The following ZNF28 variants were observed in gnomAD, a reference collection of about 807,000 sequenced individuals.
ZNF28 encodes zinc finger protein 28.
A neutral mutation model predicts 7.2 loss-of-function variants in ZNF28; 5 were observed. The observed-to-expected ratio is 0.70, with a 90% CI of 0.36 to 1.46. ZNF28 has a LOEUF of 1.46. ZNF28 is among the 40% of genes most tolerant of loss of function. The pLI, the probability that ZNF28 is intolerant of heterozygous loss-of-function variation, is 0.03. For missense variants in ZNF28, 879 were observed against 866.6 expected (o/e 1.01, Z -0.18); for synonymous variants, 288 against 292.4 (o/e 0.99, Z 0.15).
chr19:52,808,078 C>T lies in ZNF28; in HGVS notation c.71G>A (p.Cys24Tyr), dbSNP rs543381562. 6.2e-7 allele frequency: 1 copy of T among 1,613,508 alleles called. No homozygotes were observed. The highest frequency in any genetic ancestry group is 1.1e-5 in the South Asian group (1 of 91,072). Residue 24 changes from cysteine to tyrosine, a missense_variant, in exon 3 of 4, where the codon TGC (cysteine) becomes TAC (tyrosine). By Grantham distance (194) the Cys-to-Tyr change is radical. This residue lies in a region of ZNF28 where 864 missense variants were observed against 830.2 expected (regional missense o/e 1.04). Transcript: ENST00000457749. The part of the protein sequence containing the change: ...AIEFSQEEWK[C>Y]LDPAQRTLYR... ...AAGAGTCCTCTGAGCAGGGTCCAGGCATTTCCACTCCTCCTGAGAGAATTC... is the reference window on the plus strand; with the variant it reads ...AAGAGTCCTCTGAGCAGGGTCCAGGTATTTCCACTCCTCCTGAGAGAATTC...
chr19:52,806,430 G>A (rs1185007400), intron 3 of ZNF28, among the ~76,000 whole-genome samples: 1 of 152,010 alleles, frequency 6.6e-6, no homozygotes, highest in Non-Finnish European at 1.5e-5. Context: ...CTGACTTCAG[G>A]TGATATGCCC....
intron 2 of ZNF28, among the ~76,000 whole-genome samples, chr19:52,811,017 G>A (rs1212532927): frequency 2.0e-5 from 3 of 146,450 alleles, no homozygotes; most frequent in Non-Finnish European, 4.5e-5. Context: ...AGCCTGCCGA[G>A]TGCCTGCGAT....
chr19:52,811,166 T>G (rs1232888729), intron 2 of ZNF28, among the ~76,000 whole-genome samples: 2 of 150,850 alleles, frequency 1.3e-5, no homozygotes. Flanking sequence ...GGTGCCGGGA[T>G]TGCAGATGGA....
chr19:52,805,711 C>G (rs7248259), intron 3 of ZNF28: 134,149 of 151,942 alleles, frequency 0.88, 59,453 homozygotes, highest in East Asian at 0.92. Flanking sequence ...GGCCAAGCAT[C>G]GTGGTTCATG....
chr19:52,817,925 A>G lies in ZNF28; in HGVS notation c.15+19T>C, dbSNP rs1459636333. 5.0e-6 allele frequency: 8 copies of G among 1,609,950 alleles called. No individual in the cohort carries two copies. In the Admixed American group the frequency reaches 1.3e-4, roughly 27 times the overall value. ...TGAAAGGAAGGAGACAGAGCAATCCACCGAGAATACCATCTCACCTGAGGA... is the reference window on the plus strand; with the variant it reads ...TGAAAGGAAGGAGACAGAGCAATCCGCCGAGAATACCATCTCACCTGAGGA... On this transcript the variant is annotated intron_variant, in intron 2 of 3. Coordinates refer to ENST00000457749, the MANE Select transcript of ZNF28 (RefSeq NM_006969.5).
Position 52,801,400 on chromosome 19 carries a change from G to C in ZNF28, c.445C>G (p.Pro149Ala). Reference sequence around the variant, plus strand: ...TCAGGCTGAAATATGTGCAGTTCAGGCAGATGCGAATGAAAGCTTAATCCA... The same window carrying C: ...TCAGGCTGAAATATGTGCAGTTCAGCCAGATGCGAATGAAAGCTTAATCCA... ...QLGLSFHSHL[P>A]ELHIFQPEGK... The change falls in exon 4 of 4, where the codon CCT becomes GCT. Residue 149 changes from proline to alanine, a missense_variant. Coordinates refer to ENST00000457749, the MANE Select transcript of ZNF28 (RefSeq NM_006969.5). The C allele has an allele frequency of 6.2e-7, 1 of 1,614,168 alleles. No individual in the cohort carries two copies. Among genetic ancestry groups the C allele is most frequent in the Non-Finnish European group, 8.5e-7 (1 of 1,180,036 alleles).
At position 52,798,798 on chromosome 19, in the gene ZNF28, G is replaced by T; in HGVS notation, c.*890C>A. 1 of 789,574 alleles carries T rather than the reference G, an allele frequency of 1.3e-6. No individual in the cohort carries two copies. Among genetic ancestry groups the T allele is most frequent in the Non-Finnish European group, 2.1e-6 (1 of 485,650 alleles). 48.9% of individuals were successfully genotyped at this position (789,574 alleles called of 1,614,324 possible). On this transcript the variant is annotated 3_prime_UTR_variant, in exon 4 of 4. Transcript: ENST00000457749. ...GATCTCTCATTATGGATTCTCCAATGATTTGCAATGGTTGTAGCATTACTG... is the reference window on the plus strand; with the variant it reads ...GATCTCTCATTATGGATTCTCCAATTATTTGCAATGGTTGTAGCATTACTG...
chr19:52,800,317 G>A lies in ZNF28; in HGVS notation c.1528C>T (p.Leu510Phe). 1 of 1,613,502 alleles carries A rather than the reference G, an allele frequency of 6.2e-7. No individual in the cohort carries two copies. Among genetic ancestry groups the A allele is most frequent in the South Asian group, 1.1e-5 (1 of 91,052 alleles). Residue 510 changes from leucine (L) to phenylalanine (F), a missense_variant, in exon 4 of 4, where the codon CTT (leucine) becomes TTT (phenylalanine). Physicochemically the swap from Leu to Phe is conservative, Grantham distance 22. This residue lies in a region of ZNF28 where 864 missense variants were observed against 830.2 expected (regional missense o/e 1.04). Coordinates refer to ENST00000457749, the MANE Select transcript of ZNF28 (RefSeq NM_006969.5). Reference sequence around the variant, plus strand: ...GTATGAACTCTCTGATGTTCTGTAAGGCATGAATCACTCCGGAAAGCCTTG... The same window carrying A: ...GTATGAACTCTCTGATGTTCTGTAAAGCATGAATCACTCCGGAAAGCCTTG... ...CDKAFRSDSCLTEHQRVHTGE... is the reference protein window; with the variant it reads ...CDKAFRSDSCFTEHQRVHTGE...
intron 3 of ZNF28, chr19:52,805,896 G>A (rs1001890982): frequency 5.9e-5 from 9 of 151,952 alleles, no homozygotes; most frequent in African/African-American, 1.9e-4. Context: ...AGGAGAATCG[G>A]TTGTACCCGA....
chr19:52,802,632 G>A lies in ZNF28; in HGVS notation c.143-930C>T, dbSNP rs186823874. Among the ~76,000 whole-genome samples the A allele has an allele frequency of 5.4e-3, 804 of 149,856 alleles. 3 individuals are homozygous for A. Among genetic ancestry groups the A allele is most frequent in the Non-Finnish European group, 7.5e-3 (507 of 67,398 alleles). Reference sequence around the variant, plus strand: ...GCAAAGATTGTGGTGAGTTGAGATCGCACCACTGCACTCCACCCTGGATGA... The same window carrying A: ...GCAAAGATTGTGGTGAGTTGAGATCACACCACTGCACTCCACCCTGGATGA... On this transcript the variant is annotated intron_variant, in intron 3 of 3. Transcript: ENST00000457749.
At chr19:52,813,188 T>C (rs113833929) in intron 2 of ZNF28, among the ~76,000 whole-genome samples, 2,868 of 139,380 alleles carry the variant, frequency 0.021, 94 homozygotes, top group African/African-American at 0.071. Flanking sequence ...TGGAGCAATT[T>C]AGGACTACCC....
rs966858093 is a variant in ZNF28, at chr19:52,814,944, AT to A, written c.15+2999del. 8.1e-4 allele frequency among the ~76,000 whole-genome samples: 118 copies of A among 146,088 alleles called. 18 individuals carry two copies. Among genetic ancestry groups the A allele is most frequent in the African/African-American group, 3.0e-3 (113 of 37,626 alleles). ...TCAAAGTACGAAAATCTTTTTTTGC[AT>A]ATATATGCCCCAAAAATAATAAAAC... is the stretch of plus-strand genomic sequence containing the variant. On this transcript the variant is annotated intron_variant, in intron 2 of 3. Transcript: ENST00000457749.
rs2063147008 is a variant in ZNF28, at chr19:52,817,889, C to T, written c.15+55G>A. 16 of 1,608,024 alleles carry T rather than the reference C, an allele frequency of 1.0e-5. No homozygotes were observed. The East Asian group carries it at 3.6e-4, about 36-fold the overall frequency. On this transcript the variant is annotated intron_variant, in intron 2 of 3. Transcript: ENST00000457749. Reference sequence around the variant, plus strand: ...TCAGAGAAGACTCCCAACTCCAAGGCCCAGCGTTTCTGAAAGGAAGGAGAC... The same window carrying T: ...TCAGAGAAGACTCCCAACTCCAAGGTCCAGCGTTTCTGAAAGGAAGGAGAC...
rs767682895 is a variant in ZNF28 at position 52,800,433 on chromosome 19, T to C, written c.1412A>G (p.Glu471Gly). Residue 471 changes from glutamate to glycine, a missense_variant, in exon 4 of 4, where the codon GAA becomes GGA. By Grantham distance (98) the Glu-to-Gly change is moderately conservative. This residue lies in a region of ZNF28 where 864 missense variants were observed against 830.2 expected (regional missense o/e 1.04). Coordinates refer to ENST00000457749, the MANE Select transcript of ZNF28 (RefSeq NM_006969.5). Reference sequence around the variant, plus strand: ...TTTGCACCTGAAAACTTTGTCACATTCTTCACATTTGTATGGTTTCTCTGC... The same window carrying C: ...TTTGCACCTGAAAACTTTGTCACATCCTTCACATTTGTATGGTTTCTCTGC... ...HTAEKPYKCE[E>G]CDKVFRCKSH... is the part of the protein sequence containing the mutation. 2.3e-5 allele frequency: 37 copies of C among 1,613,426 alleles called. No individual in the cohort carries two copies. The highest frequency in any genetic ancestry group is 3.1e-5 in the Non-Finnish European group (36 of 1,179,736).
chr19:52,818,820 T>A (rs7259734), intron 1 of ZNF28, among the ~76,000 whole-genome samples: 81,071 of 142,336 alleles, frequency 0.57, 26,155 homozygotes, highest in Non-Finnish European at 0.7. Flanking sequence ...GAGATACAGG[T>A]TGCAGTGAGC....
chr19:52,813,177 G>A (rs949563523), intron 2 of ZNF28, among the ~76,000 whole-genome samples: 2 of 143,530 alleles, frequency 1.4e-5, no homozygotes, highest in African/African-American at 5.1e-5. Context: ...TATCTGCTCA[G>A]TGGAGCAATT....
At chr19:52,804,711 G>A (rs2062915019) in intron 3 of ZNF28, among the ~76,000 whole-genome samples, 1 of 152,072 alleles carries the variant, frequency 6.6e-6, no homozygotes, top group South Asian at 2.1e-4. Context: ...CACCATGTTG[G>A]CCAGACTGGT....
At chr19:52,811,317 G>A (rs1052367368) in intron 2 of ZNF28, among the ~76,000 whole-genome samples, 16 of 149,658 alleles carry the variant, frequency 1.1e-4, no homozygotes, top group Middle Eastern at 3.4e-3. Flanking sequence ...CCGCCACCCC[G>A]TCTGGGAAGT....
rs74757226 is a variant in ZNF28, at chr19:52,803,287, G to A, written c.143-1585C>T. ...AGATGGGGTTTGGTGAAACCTGTTG[G>A]CCAGGCTGGTCTCGAACTCCTGACC... On this transcript the variant is annotated intron_variant, in intron 3 of 3. Transcript: ENST00000457749. Among the ~76,000 whole-genome samples the A allele has an allele frequency of 1.0e-2, 1,511 of 151,778 alleles. 16 individuals carry two copies. Among genetic ancestry groups the A allele is most frequent in the Non-Finnish European group, 0.017 (1,164 of 67,938 alleles).
Sources: gnomAD v4.1 joint callset for allele counts (sites outside exome capture counted in the v4.1 genomes callset) on GRCh38, gnomAD v4.1.1 for gene constraint, gnomAD v4.1.1 regional missense constraint, MANE v1.5 for transcripts, NCBI Gene and HGNC (gene_info 2026-07-23, HGNC 2026-07-21) for gene names.